ALK: variants seen among roughly 807,000 people sequenced by gnomAD.
ALK encodes ALK tyrosine kinase receptor.
In ALK, 74 loss-of-function variants were observed where a neutral mutation model predicts 163.1. The observed-to-expected ratio is 0.45, with a 90% CI of 0.38 to 0.55. The LOEUF is 0.55. ALK is among the 20% of genes least tolerant of loss of function. ALK has a pLI of 0.00. For synonymous variants in ALK, 960 were observed against 843.2 expected (o/e 1.14, Z -2.40); for missense variants, 2,063 against 2,105.3 (o/e 0.98, Z 0.39).
intron 5 of ALK, among the ~76,000 whole-genome samples, chr2:29,381,642 C>T (rs1286016542): frequency 2.6e-5 from 4 of 152,188 alleles, no homozygotes; most frequent in African/African-American, 9.7e-5. Context: ...GCAGACCTTC[C>T]TACAGTCCTG....
intron 1 of ALK, among the ~76,000 whole-genome samples, chr2:29,823,385 G>A (rs749214751): frequency 8.5e-5 from 13 of 152,316 alleles, no homozygotes; most frequent in East Asian, 7.7e-4. Context: ...ATGTGGAAGC[G>A]ACTTTGGAAC....
chr2:29,355,119 G>T (rs1405695910), intron 5 of ALK, among the ~76,000 whole-genome samples: 1 of 152,174 alleles, frequency 6.6e-6, no homozygotes, highest in Non-Finnish European at 1.5e-5. Flanking sequence ...CCTAGCAACT[G>T]ATTGGTTTCC....
intron 5 of ALK, among the ~76,000 whole-genome samples, chr2:29,346,398 C>T (rs147402637): frequency 1.2e-4 from 19 of 152,316 alleles, no homozygotes; most frequent in African/African-American, 4.1e-4. Flanking sequence ...CAGCATCCTG[C>T]AGAATCAGGG....
chr2:29,198,343 C>T (rs1669075705), intron 26 of ALK, among the ~76,000 whole-genome samples: 1 of 151,942 alleles, frequency 6.6e-6, no homozygotes, highest in South Asian at 2.1e-4. Flanking sequence ...ACATCATCTC[C>T]TTTATTCTTT....
At chr2:29,296,254 T>C (rs774903690) in intron 9 of ALK, among the ~76,000 whole-genome samples, 1 of 152,208 alleles carries the variant, frequency 6.6e-6, no homozygotes, top group Non-Finnish European at 1.5e-5. Context: ...AGACCACAAG[T>C]AGAAGCATTC....
chr2:29,866,270 T>C (rs1004148501), intron 1 of ALK, among the ~76,000 whole-genome samples: 2 of 152,180 alleles, frequency 1.3e-5, no homozygotes, highest in Non-Finnish European at 2.9e-5. Flanking sequence ...CTTTCTCATC[T>C]CTAGCACATC....
At chr2:29,913,674 T>C (rs180895180) in intron 1 of ALK, among the ~76,000 whole-genome samples, 3 of 152,318 alleles carry the variant, frequency 2.0e-5, no homozygotes, top group Admixed American at 2.0e-4. Flanking sequence ...GAAACCACCA[T>C]GTACAAAATG....
At chr2:29,798,386 A>G (rs1177048376) in intron 1 of ALK, among the ~76,000 whole-genome samples, 1 of 152,250 alleles carries the variant, frequency 6.6e-6, no homozygotes, top group Non-Finnish European at 1.5e-5. Context: ...CTAAGGAATT[A>G]GAATTCTATT....
intron 1 of ALK, among the ~76,000 whole-genome samples, chr2:29,851,820 G>C (rs1188527977): frequency 6.6e-6 from 1 of 152,162 alleles, no homozygotes; most frequent in Non-Finnish European, 1.5e-5. Flanking sequence ...TCACACCTGT[G>C]GTCTCTTTTG....
intron 8 of ALK, among the ~76,000 whole-genome samples, chr2:29,300,098 A>C (rs574676898): frequency 2.0e-5 from 3 of 152,330 alleles, no homozygotes; most frequent in African/African-American, 7.2e-5. Context: ...TGAGTGTTGC[A>C]TATGGGTGGG....
intron 1 of ALK, among the ~76,000 whole-genome samples, chr2:29,722,754 G>T (rs1447873261): frequency 1.3e-5 from 2 of 152,038 alleles, no homozygotes; most frequent in Non-Finnish European, 2.9e-5. Context: ...ACATCCAACT[G>T]CCTGCTCAAA....
chr2:29,537,948 T>C (rs1434780121), intron 3 of ALK, among the ~76,000 whole-genome samples: 1 of 152,240 alleles, frequency 6.6e-6, no homozygotes, highest in African/African-American at 2.4e-5. Flanking sequence ...GTGATGCCTA[T>C]TACCCCTTTG....
intron 9 of ALK, among the ~76,000 whole-genome samples, chr2:29,283,727 GT>G (rs940925222): frequency 6.6e-6 from 1 of 152,024 alleles, no homozygotes; most frequent in Non-Finnish European, 1.5e-5. Flanking sequence ...TGTAAGATGT[GT>G]TTTTTTCCCC....
At chr2:29,554,953 A>T (rs370046049) in intron 3 of ALK, among the ~76,000 whole-genome samples, 2 of 152,182 alleles carry the variant, frequency 1.3e-5, no homozygotes, top group Non-Finnish European at 2.9e-5. Context: ...CCAGGGCAAC[A>T]TCAGGAAGTT....
intron 1 of ALK, among the ~76,000 whole-genome samples, chr2:29,880,648 G>T (rs1304611886): frequency 6.6e-6 from 1 of 152,222 alleles, no homozygotes; most frequent in East Asian, 1.9e-4. Context: ...CGCCTCGGAG[G>T]AAAGGGGAGA....
intron 3 of ALK, among the ~76,000 whole-genome samples, chr2:29,648,152 C>A (rs964855204): frequency 6.6e-6 from 1 of 152,088 alleles, no homozygotes; most frequent in African/African-American, 2.4e-5. Flanking sequence ...ATGCAGTTCC[C>A]TTGGCCTGGA....
intron 13 of ALK, among the ~76,000 whole-genome samples, chr2:29,237,580 A>G (rs1042791836): frequency 2.6e-5 from 4 of 152,130 alleles, no homozygotes; most frequent in Non-Finnish European, 5.9e-5. Flanking sequence ...GAGAGCAAAG[A>G]TCTTTCTTTT....
chr2:29,831,118 A>AGGGGAAGAAGGGGAAGAAGGG (rs1553368450), intron 1 of ALK, among the ~76,000 whole-genome samples: 1 of 55,478 alleles, frequency 1.8e-5, no homozygotes, highest in African/African-American at 7.4e-5. Context: ...GAGAAGAAGA[A>AGGGGAAGAAGGGGAAGAAGGG]GAAGAAGGGG....
intron 3 of ALK, among the ~76,000 whole-genome samples, chr2:29,658,108 C>T (rs1353857554): frequency 6.6e-6 from 1 of 152,110 alleles, no homozygotes; most frequent in Non-Finnish European, 1.5e-5. Flanking sequence ...CCTCTCCTGT[C>T]CACTGTCCAC....
Sources: gnomAD v4.1 joint callset for allele counts (sites outside exome capture counted in the v4.1 genomes callset) on GRCh38, gnomAD v4.1.1 for gene constraint, MANE v1.5 for transcripts, NCBI Gene and HGNC (gene_info 2026-07-23, HGNC 2026-07-21) for gene names.